NRXN1: variants seen among roughly 807,000 people sequenced by gnomAD.
NRXN1 encodes neurexin-1.
A neutral mutation model predicts 150.9 loss-of-function variants in NRXN1; 39 were observed. That is an observed-to-expected ratio of 0.26 (90% confidence interval 0.20 to 0.34). The LOEUF (loss-of-function observed/expected upper bound fraction) is 0.34, where lower values mean the gene tolerates loss of function less well. NRXN1 is among the 10% of genes least tolerant of loss of function. The pLI is 1.00. For synonymous variants in NRXN1, 924 were observed against 757.0 expected, an observed-to-expected ratio of 1.22 and a Z score of -3.62; for missense variants, 1,815 against 1,949.9, an observed-to-expected ratio of 0.93 and a Z score of 1.30.
At chr2:50,903,617 A>C (rs1175878837) in intron 5 of NRXN1, among the ~76,000 whole-genome samples, 1 of 152,150 alleles carries the variant, frequency 6.6e-6, no homozygotes, top group Non-Finnish European at 1.5e-5. Context: ...TGTAAATTAT[A>C]ACACAGGATA....
chr2:50,694,717 T>C (rs1367022691), intron 5 of NRXN1, among the ~76,000 whole-genome samples: 1 of 152,210 alleles, frequency 6.6e-6, no homozygotes, highest in African/African-American at 2.4e-5. Context: ...GGTTACATTC[T>C]TTATCTTACT....
intron 2 of NRXN1, among the ~76,000 whole-genome samples, chr2:51,005,543 G>A (rs374125035): frequency 2.0e-5 from 3 of 152,000 alleles, no homozygotes; most frequent in East Asian, 3.9e-4. Context: ...TGCAAGAAAT[G>A]TTTAAGAAAG....
In NRXN1 at chr2:50,019,947, C is replaced by CAAAAAAAAAA. The variant is rs1161865745; in HGVS notation, c.4128+33314_4128+33323dup. ...TGGGTGACAAAGCAAGACTCCGTCT[C>CAAAAAAAAAA]AAAAAAAAAAAAAAAAAAAAAAAAA... On this transcript the variant is annotated intron_variant, in intron 21 of 22. Coordinates refer to ENST00000401669, the MANE Select transcript of NRXN1 (RefSeq NM_001330078.2). Among the ~76,000 whole-genome samples, 360 of 43,280 alleles carry CAAAAAAAAAA rather than the reference C, an allele frequency of 8.3e-3. 30 individuals are homozygous for CAAAAAAAAAA. Among genetic ancestry groups the CAAAAAAAAAA allele is most frequent in the East Asian group, 0.026 (27 of 1,048 alleles). 28.4% of individuals were successfully genotyped at this position (43,280 alleles called of 152,430 possible).
rs1173376697 is a variant in NRXN1 at position 49,954,918 on chromosome 2, C to T, written c.4129-11127G>A. Among the ~76,000 whole-genome samples the T allele has an allele frequency of 2.0e-5, 3 of 152,110 alleles. No individual in the cohort carries two copies. In the South Asian group the frequency reaches 6.2e-4, roughly 31 times the overall value. On this transcript the variant is annotated intron_variant, in intron 21 of 22. Transcript: ENST00000401669. ...GCATCTATACAGGAATTCAGTAGAG[C>T]TGACTTAAAATGACATAATCACTCA...
At chr2:50,486,446 A>G (rs2090881418) in intron 15 of NRXN1, among the ~76,000 whole-genome samples, 1 of 152,208 alleles carries the variant, frequency 6.6e-6, no homozygotes, top group African/African-American at 2.4e-5. Context: ...TTTGGATATC[A>G]TTTTGGGAAA....
chr2:49,970,236 C>T (rs1212599881), intron 21 of NRXN1: 1 of 151,840 alleles, frequency 6.6e-6, no homozygotes, highest in Non-Finnish European at 1.5e-5. Context: ...AAATATATAG[C>T]ACAACACTGA....
chr2:50,971,350 C>G (rs1056836534), intron 2 of NRXN1, among the ~76,000 whole-genome samples: 1 of 151,988 alleles, frequency 6.6e-6, no homozygotes, highest in African/African-American at 2.4e-5. Flanking sequence ...TTTGGGAGGC[C>G]ACAGTGGGCG....
Position 50,496,530 on chromosome 2 carries a change from C to T in NRXN1, c.2880-435G>A, listed in dbSNP as rs2091633650. On this transcript the variant is annotated intron_variant, in intron 14 of 22. Coordinates refer to ENST00000401669, the MANE Select transcript of NRXN1 (RefSeq NM_001330078.2). ...ATCCTTCAACATCCAGGTCAGATAG[C>T]CACTCCCTGCTCCACATGTTTTTCT... Among the ~76,000 whole-genome samples the T allele has an allele frequency of 3.3e-5, 5 of 152,146 alleles. No individual in the cohort carries two copies. In the South Asian group the frequency reaches 1.0e-3, roughly 31 times the overall value.
At chr2:50,220,838 A>G (rs2063827525) in intron 18 of NRXN1, among the ~76,000 whole-genome samples, 1 of 151,978 alleles carries the variant, frequency 6.6e-6, no homozygotes, top group African/African-American at 2.4e-5. Context: ...TGTAACACCA[A>G]ACAACCACAA....
At chr2:50,947,657 C>T (rs562919673) in intron 2 of NRXN1, among the ~76,000 whole-genome samples, 1 of 151,982 alleles carries the variant, frequency 6.6e-6, no homozygotes, top group Admixed American at 6.6e-5. Context: ...TAGAATCCAT[C>T]AATTAAAATT....
At chr2:50,497,207 T>C (rs1000745709) in intron 14 of NRXN1, 126 bp downstream of exon 14, 2 of 577,036 alleles carry the variant, frequency 3.5e-6, no homozygotes, top group Non-Finnish European at 2.7e-6. Flanking sequence ...CCTTCTTATT[T>C]GTCCTCCACC....
chr2:50,596,124 CCTT>C (rs564373134), intron 8 of NRXN1, among the ~76,000 whole-genome samples: 70 of 152,264 alleles, frequency 4.6e-4, no homozygotes, highest in African/African-American at 1.7e-3. Flanking sequence ...CAGCAACAGT[CCTT>C]CTCTCTCTTT....
intron 5 of NRXN1, chr2:50,916,959 G>C (rs1308641332): frequency 6.6e-6 from 1 of 151,624 alleles, no homozygotes; most frequent in Admixed American, 6.6e-5. Flanking sequence ...GTAAGCTAAA[G>C]ATGAACTAGT....
intron 18 of NRXN1, among the ~76,000 whole-genome samples, chr2:50,104,562 A>G (rs1701390978): frequency 6.6e-6 from 1 of 152,008 alleles, no homozygotes. Context: ...TGATGATGAT[A>G]ATGATGATGA....
At chr2:50,607,441 C>A (rs1341114127) in intron 8 of NRXN1, among the ~76,000 whole-genome samples, 1 of 152,048 alleles carries the variant, frequency 6.6e-6, no homozygotes, top group African/African-American at 2.4e-5. Context: ...TAAATGGTTG[C>A]TTAAGACTGC....
intron 2 of NRXN1, among the ~76,000 whole-genome samples, chr2:50,942,204 A>G (rs570492328): frequency 5.3e-5 from 8 of 152,210 alleles, no homozygotes; most frequent in Non-Finnish European, 1.2e-4. Context: ...GCCACTGCCT[A>G]GAGATTTCAG....
chr2:50,333,789 C>G (rs531032431), intron 17 of NRXN1, among the ~76,000 whole-genome samples: 8 of 151,926 alleles, frequency 5.3e-5, no homozygotes, highest in Non-Finnish European at 1.2e-4. Context: ...TGATTGGTCT[C>G]TGCATTCTTG....
intron 17 of NRXN1, among the ~76,000 whole-genome samples, chr2:50,293,668 G>C (rs1425210637): frequency 6.6e-6 from 1 of 152,160 alleles, no homozygotes; most frequent in East Asian, 1.9e-4. Context: ...TAGGAAATGA[G>C]CGGTCTGTAG....
intron 21 of NRXN1, among the ~76,000 whole-genome samples, chr2:49,964,578 A>C (rs1676611664): frequency 7.0e-6 from 1 of 143,882 alleles, no homozygotes; most frequent in Non-Finnish European, 1.5e-5. Context: ...GGTGGCTCAC[A>C]TCTGTAATCC....
Sources: allele counts gnomAD v4.1 joint callset (sites outside exome capture counted in the v4.1 genomes callset), GRCh38; gene constraint gnomAD v4.1.1; transcripts MANE v1.5; gene names NCBI Gene and HGNC (gene_info 2026-07-23, HGNC 2026-07-21).